ST6GALNAC3: variants seen among roughly 807,000 people sequenced by gnomAD.
ST6GALNAC3 encodes alpha-N-acetylgalactosaminide alpha-2,6-sialyltransferase 3.
ST6GALNAC3 carries 25 observed loss-of-function variants against 32.7 expected under a neutral mutation model. The observed-to-expected ratio is 0.76, with a 90% CI of 0.56 to 1.07. The LOEUF (loss-of-function observed/expected upper bound fraction) is 1.07. Among genes scored for constraint, ST6GALNAC3 ranks in the 50% least tolerant of loss-of-function variants. The probability of loss-of-function intolerance (pLI) is 0.00; values close to 1 mark genes in which losing one functional copy is unlikely to be tolerated. For missense variants in ST6GALNAC3, 355 were observed against 382.4 expected, an observed-to-expected ratio of 0.93 and a Z score of 0.60; for synonymous variants, 129 against 133.1, an observed-to-expected ratio of 0.97 and a Z score of 0.21.
chr1:76,436,669 C>T (rs903000464), intron 3 of ST6GALNAC3, among the ~76,000 whole-genome samples: 1 of 152,098 alleles, frequency 6.6e-6, no homozygotes, highest in African/African-American at 2.4e-5. Flanking sequence ...ATTTTTCTTA[C>T]ATTATATCAT....
At chr1:76,588,819 GCCACTAGGCT>G (rs1647002851) in intron 3 of ST6GALNAC3, among the ~76,000 whole-genome samples, 1 of 152,186 alleles carries the variant, frequency 6.6e-6, no homozygotes, top group African/African-American at 2.4e-5. Context: ...CTGCCAGGCA[GCCACTAGGCT>G]CCACTTGTTC....
At chr1:76,531,936 T>C (rs1191666009) in intron 3 of ST6GALNAC3, among the ~76,000 whole-genome samples, 1 of 152,232 alleles carries the variant, frequency 6.6e-6, no homozygotes, top group Admixed American at 6.5e-5. Context: ...AGGCCTGTTA[T>C]TAAGGTGAGG....
intron 2 of ST6GALNAC3, among the ~76,000 whole-genome samples, chr1:76,410,681 G>A (rs1467361178): frequency 6.6e-6 from 1 of 152,114 alleles, no homozygotes; most frequent in Non-Finnish European, 1.5e-5. Context: ...TGACTGCTGT[G>A]AGTGCCTACC....
chr1:76,109,022 T>G (rs1200229077), intron 1 of ST6GALNAC3, among the ~76,000 whole-genome samples: 2 of 152,194 alleles, frequency 1.3e-5, no homozygotes, highest in Non-Finnish European at 2.9e-5. Flanking sequence ...GTTTTTATAT[T>G]ATTTAATTAG....
intron 3 of ST6GALNAC3, among the ~76,000 whole-genome samples, chr1:76,549,370 C>G (rs1236292408): frequency 6.6e-6 from 1 of 151,838 alleles, no homozygotes; most frequent in Non-Finnish European, 1.5e-5. Context: ...TATACTATGA[C>G]TATATATGTA....
At chr1:76,121,168 C>A (rs1448997176) in intron 1 of ST6GALNAC3, among the ~76,000 whole-genome samples, 1 of 152,188 alleles carries the variant, frequency 6.6e-6, no homozygotes, top group African/African-American at 2.4e-5. Context: ...GTCCCTTTGG[C>A]ATGGAAAGTA....
chr1:76,079,401 T>C (rs1156639131), intron 1 of ST6GALNAC3, among the ~76,000 whole-genome samples: 1 of 152,240 alleles, frequency 6.6e-6, no homozygotes, highest in African/African-American at 2.4e-5. Context: ...GGTCAGCAGG[T>C]ACATTTTCAG....
chr1:76,426,429 T>G (rs997923251), intron 3 of ST6GALNAC3, among the ~76,000 whole-genome samples: 1 of 151,702 alleles, frequency 6.6e-6, no homozygotes, highest in Admixed American at 6.6e-5. Context: ...CCTTCACATC[T>G]TGTCTCACTG....
intron 3 of ST6GALNAC3, among the ~76,000 whole-genome samples, chr1:76,518,053 C>G (rs921355373): frequency 6.6e-6 from 1 of 151,814 alleles, no homozygotes; most frequent in African/African-American, 2.4e-5. Flanking sequence ...ATCTATATTG[C>G]TGTTTATTTC....
intron 2 of ST6GALNAC3, among the ~76,000 whole-genome samples, chr1:76,353,119 A>G (rs1181241055): frequency 1.3e-5 from 2 of 152,102 alleles, no homozygotes; most frequent in African/African-American, 4.8e-5. Flanking sequence ...TTGGGCTTTC[A>G]CTGCAGTCAG....
intron 1 of ST6GALNAC3, among the ~76,000 whole-genome samples, chr1:76,141,837 C>T (rs1650346022): frequency 6.6e-6 from 1 of 152,184 alleles, no homozygotes; most frequent in Non-Finnish European, 1.5e-5. Flanking sequence ...CTCTGCAAGC[C>T]ACCCATTTCT....
chr1:76,619,893 C>G (rs1299505554), intron 3 of ST6GALNAC3, among the ~76,000 whole-genome samples: 4 of 152,066 alleles, frequency 2.6e-5, no homozygotes. Context: ...TTCCACTCAG[C>G]CTTAATCCAC....
At chr1:76,415,602 G>A (rs1227348734) in intron 3 of ST6GALNAC3, among the ~76,000 whole-genome samples, 2 of 151,964 alleles carry the variant, frequency 1.3e-5, no homozygotes, top group Non-Finnish European at 2.9e-5. Context: ...CTTCAAATTG[G>A]CTTTGAGTCC....
At chr1:76,224,487 T>C (rs944143668) in intron 1 of ST6GALNAC3, among the ~76,000 whole-genome samples, 1 of 152,246 alleles carries the variant, frequency 6.6e-6, no homozygotes, top group Non-Finnish European at 1.5e-5. Context: ...CATTGCCTTC[T>C]TGCAGGCAAA....
At chr1:76,319,406 G>C (rs181395446) in intron 2 of ST6GALNAC3, among the ~76,000 whole-genome samples, 13 of 147,770 alleles carry the variant, frequency 8.8e-5, no homozygotes, top group Admixed American at 7.3e-4. Context: ...TGCTGTGACA[G>C]ACAGGCCACA....
At chr1:76,176,531 G>A (rs918302541) in intron 1 of ST6GALNAC3, among the ~76,000 whole-genome samples, 1 of 152,146 alleles carries the variant, frequency 6.6e-6, no homozygotes, top group African/African-American at 2.4e-5. Context: ...CATCTGTGAC[G>A]TTCAGTTCAA....
At chr1:76,099,818 C>G (rs1479084495) in intron 1 of ST6GALNAC3, among the ~76,000 whole-genome samples, 1 of 152,064 alleles carries the variant, frequency 6.6e-6, no homozygotes, top group Non-Finnish European at 1.5e-5. Flanking sequence ...CTTTTAAAGA[C>G]TCCATTAACT....
chr1:76,268,778 T>C (rs1658675390), intron 1 of ST6GALNAC3, among the ~76,000 whole-genome samples: 1 of 152,132 alleles, frequency 6.6e-6, no homozygotes, highest in Non-Finnish European at 1.5e-5. Flanking sequence ...ACAATTGTAT[T>C]TTCCTCTACA....
intron 2 of ST6GALNAC3, among the ~76,000 whole-genome samples, chr1:76,368,570 G>A (rs1650571189): frequency 1.3e-5 from 2 of 151,888 alleles, no homozygotes; most frequent in Non-Finnish European, 2.9e-5. Flanking sequence ...CTTCCTAAGG[G>A]TAGAAATCTG....
Sources: allele counts gnomAD v4.1 joint callset (sites outside exome capture counted in the v4.1 genomes callset), GRCh38; gene constraint gnomAD v4.1.1; transcripts MANE v1.5; gene names NCBI Gene and HGNC (gene_info 2026-07-23, HGNC 2026-07-21).